Variants in COBL observed in about 807,000 individuals in gnomAD.
The protein encoded by COBL is cordon-bleu WH2 repeat protein.
COBL carries 51 observed loss-of-function variants against 98.8 expected under a neutral mutation model. The observed-to-expected ratio is 0.52, with a 90% CI of 0.41 to 0.65. COBL has a LOEUF of 0.65. Ranked by LOEUF, COBL falls within the 30% of genes least tolerant of loss-of-function variation. COBL has a pLI of 0.00. For synonymous variants in COBL, 634 were observed against 651.7 expected (o/e 0.97, Z 0.41); for missense variants, 1,617 against 1,617.5 (o/e 1.00, Z 0.01).
intron 1 of COBL, among the ~76,000 whole-genome samples, chr7:51,228,525 C>T (rs1012276763): frequency 1.3e-5 from 2 of 151,966 alleles, no homozygotes; most frequent in African/African-American, 4.8e-5. Context: ...AAATCCTACA[C>T]AATAGAATTT....
At chr7:51,240,024 G>T (rs2129120669) in intron 1 of COBL, among the ~76,000 whole-genome samples, 1 of 152,220 alleles carries the variant, frequency 6.6e-6, no homozygotes, top group East Asian at 1.9e-4. Context: ...ACACAATTTT[G>T]AATCTCATAT....
At chr7:51,299,040 G>A (rs1050353523) in intron 1 of COBL, among the ~76,000 whole-genome samples, 2 of 152,230 alleles carry the variant, frequency 1.3e-5, no homozygotes, top group Non-Finnish European at 2.9e-5. Context: ...GAATGGCATA[G>A]GCCAGGAAAG....
intron 6 of COBL, among the ~76,000 whole-genome samples, chr7:51,121,193 G>GT (rs1797706221): frequency 1.3e-5 from 2 of 152,090 alleles, no homozygotes. Flanking sequence ...TTTCTTTTGT[G>GT]TTTTTTCTCA....
At chr7:51,077,457 T>C (rs1223349589) in intron 7 of COBL, among the ~76,000 whole-genome samples, 3 of 152,216 alleles carry the variant, frequency 2.0e-5, no homozygotes, top group African/African-American at 7.2e-5. Context: ...ACAGCCTGGA[T>C]CAGGCAACAG....
chr7:51,134,902 A>G (rs962720501), intron 6 of COBL, among the ~76,000 whole-genome samples: 7 of 152,266 alleles, frequency 4.6e-5, no homozygotes, highest in African/African-American at 1.4e-4. Context: ...CACAGCTAAT[A>G]TATCATGAAG....
intron 6 of COBL, among the ~76,000 whole-genome samples, chr7:51,101,765 G>A (rs1389660962): frequency 1.2e-4 from 18 of 152,208 alleles, no homozygotes; most frequent in Non-Finnish European, 2.6e-4. Context: ...CATATTCTAT[G>A]AGGAACACTT....
At chr7:51,309,142 C>CT (rs1802771171) in intron 1 of COBL, among the ~76,000 whole-genome samples, 1 of 152,180 alleles carries the variant, frequency 6.6e-6, no homozygotes, top group African/African-American at 2.4e-5. Context: ...ATCACAACGG[C>CT]TAAGATCTCT....
chr7:51,209,448 G>A lies in COBL; in HGVS notation c.245+10293C>T, dbSNP rs1186509941. Among the ~76,000 whole-genome samples the A allele has an allele frequency of 2.0e-5, 3 of 152,306 alleles. No homozygotes were observed. In the East Asian group the frequency reaches 5.8e-4, roughly 29 times the overall value. The stretch of plus-strand genomic sequence containing the variant: ...CCCAACCCTCCAGAACCCCACAGCG[G>A]GGCGTGCAGGTTAATAACTACCATG... On this transcript the variant is annotated intron_variant, in intron 2 of 12. Coordinates refer to ENST00000265136, the MANE Select transcript of COBL (RefSeq NM_015198.5).
intron 7 of COBL, among the ~76,000 whole-genome samples, chr7:51,084,384 T>C (rs1461848988): frequency 6.6e-6 from 1 of 152,232 alleles, no homozygotes; most frequent in African/African-American, 2.4e-5. Context: ...ACGCCATTCT[T>C]GGGGCTCTCA....
At chr7:51,031,273 C>T (rs2240091) in intron 8 of COBL, 77,136 of 191,592 alleles carry the variant, frequency 0.4, 18,239 homozygotes, top group African/African-American at 0.68. Flanking sequence ...TTAATTCCAC[C>T]GCACAAAAGA....
intron 7 of COBL, among the ~76,000 whole-genome samples, chr7:51,048,462 G>A (rs1789929264): frequency 6.6e-6 from 1 of 152,006 alleles, no homozygotes; most frequent in Admixed American, 6.6e-5. Flanking sequence ...TATAAACAAA[G>A]GAATCTGGAT....
At chr7:51,046,482 T>A (rs774926595) in intron 7 of COBL, among the ~76,000 whole-genome samples, 1 of 152,208 alleles carries the variant, frequency 6.6e-6, no homozygotes, top group Non-Finnish European at 1.5e-5. Flanking sequence ...CCTGGGCATC[T>A]TTTGTTTGGA....
At chr7:51,193,095 C>A (rs1790271985) in intron 3 of COBL, among the ~76,000 whole-genome samples, 2 of 152,178 alleles carry the variant, frequency 1.3e-5, no homozygotes, top group South Asian at 4.1e-4. Flanking sequence ...AATTAAAGAC[C>A]ATGCCCCTCT....
intron 1 of COBL, among the ~76,000 whole-genome samples, chr7:51,292,295 T>C (rs541934312): frequency 6.6e-6 from 1 of 152,338 alleles, no homozygotes; most frequent in South Asian, 2.1e-4. Flanking sequence ...AGGTACCCAC[T>C]GAATGGAATG....
chr7:51,150,402 G>A (rs1340638724), intron 5 of COBL, among the ~76,000 whole-genome samples: 1 of 152,148 alleles, frequency 6.6e-6, no homozygotes, highest in Non-Finnish European at 1.5e-5. Context: ...CACACCAAGA[G>A]AGACATCACT....
chr7:51,051,052 G>T (rs1025843849), intron 7 of COBL, among the ~76,000 whole-genome samples: 1 of 152,072 alleles, frequency 6.6e-6, no homozygotes, highest in African/African-American at 2.4e-5. Context: ...ATACACTTGA[G>T]TATAATCTAA....
chr7:51,089,772 A>T (rs1794641171), intron 6 of COBL, among the ~76,000 whole-genome samples: 1 of 152,182 alleles, frequency 6.6e-6, no homozygotes, highest in East Asian at 1.9e-4. Context: ...TCTATAGTGA[A>T]ATAATCACAA....
chr7:51,168,324 T>G (rs1475782283), intron 5 of COBL, among the ~76,000 whole-genome samples: 5 of 151,974 alleles, frequency 3.3e-5, no homozygotes, highest in Non-Finnish European at 7.4e-5. Flanking sequence ...TAGTCCCAGC[T>G]ACTTGAGAGG....
chr7:51,274,124 A>G (rs1012790594), intron 1 of COBL, among the ~76,000 whole-genome samples: 10 of 152,056 alleles, frequency 6.6e-5, no homozygotes, highest in African/African-American at 2.4e-4. Context: ...CTTCCCCAGC[A>G]CAGGACCTGC....
Sources: allele counts gnomAD v4.1 joint callset (sites outside exome capture counted in the v4.1 genomes callset), GRCh38; gene constraint gnomAD v4.1.1; transcripts MANE v1.5; gene names NCBI Gene and HGNC (gene_info 2026-07-23, HGNC 2026-07-21).